MSL2: variants seen among roughly 807,000 people sequenced by gnomAD.
MSL2 encodes the protein E3 ubiquitin-protein ligase MSL2.
MSL2 carries 2 observed loss-of-function variants against 35.8 expected under a neutral mutation model. The observed-to-expected ratio is 0.06, with a 90% confidence interval of 0.02 to 0.18. The LOEUF is 0.18. Among genes scored for constraint, MSL2 ranks in the 10% least tolerant of loss-of-function variants. MSL2 has a pLI of 1.00. For synonymous variants in MSL2, 296 were observed against 255.7 expected (o/e 1.16, Z -1.50); for missense variants, 523 against 706.7 (o/e 0.74, Z 2.95).
intron 1 of MSL2, among the ~76,000 whole-genome samples, chr3:136,157,591 C>T (rs2108063649): frequency 6.6e-6 from 1 of 152,142 alleles, no homozygotes; most frequent in Middle Eastern, 3.4e-3. Flanking sequence ...ATAAATAACA[C>T]CAAAAGTTGG....
In MSL2 at chr3:136,151,960, A is replaced by T; in HGVS notation, c.921T>A (p.Ser307=). The T allele has an allele frequency of 6.2e-7, 1 of 1,614,234 alleles. No individual in the cohort carries two copies. Residue 307 remains serine, a synonymous_variant, in exon 2 of 2, where the codon TCT becomes TCA. Transcript: ENST00000309993. This position sits in a 1 kb window ranked among gnomAD's most constrained non-coding sequence, Gnocchi z 5.2. ...AAACATTATGGCTAAGAGACTGGGA[A>T]GAAAGCTGCAGAAAAGGTCCATTGG... is the stretch of plus-strand genomic sequence containing the variant. ...TVSNGPFLQL[S]SQSLSHNVFM...
intron 1 of MSL2, among the ~76,000 whole-genome samples, chr3:136,191,412 G>A (rs571861088): frequency 1.3e-5 from 2 of 150,194 alleles, no homozygotes; most frequent in Admixed American, 6.7e-5. Flanking sequence ...AGGTTGCAGT[G>A]AGCCGAGATT....
chr3:136,171,942 G>A (rs941277232), intron 1 of MSL2, among the ~76,000 whole-genome samples: 1 of 151,994 alleles, frequency 6.6e-6, no homozygotes, highest in Non-Finnish European at 1.5e-5. Flanking sequence ...AGTCGCTTAG[G>A]ATGAAGTGCA....
In MSL2 at chr3:136,195,666, C is replaced by CGCG; in HGVS notation, c.-556_-554dup. The stretch of plus-strand genomic sequence containing the variant: ...GCTTCCCGGATCTAGTGCAAGACGC[C>CGCG]GCGGCGGCGACGAAGGTTGATGTTG... On this transcript the variant is annotated 5_prime_UTR_variant, in exon 1 of 2. Transcript: ENST00000309993. The CGCG allele has an allele frequency of 1.0e-6, 1 of 979,886 alleles. No individual in the cohort carries two copies. Among genetic ancestry groups the CGCG allele is most frequent in the Non-Finnish European group, 1.2e-6 (1 of 824,798 alleles). The allele number at this position is 979,886 out of a possible 1,614,324, so 60.7% of individuals were successfully genotyped here. A position where few individuals can be genotyped will look rare whatever the true frequency, so the allele number is the denominator to read the frequency against.
chr3:136,172,923 G>C (rs749146586), intron 1 of MSL2, among the ~76,000 whole-genome samples: 18 of 152,134 alleles, frequency 1.2e-4, no homozygotes, highest in Non-Finnish European at 2.4e-4. Context: ...CAGTACTTTG[G>C]GAGGCCAAGG....
At position 136,195,875 on chromosome 3, in the gene MSL2, G is replaced by GCCCC; in HGVS notation, c.-763_-762insGGGG. 1.0e-6 allele frequency: 1 copy of GCCCC among 955,152 alleles called. No homozygotes were observed. Among genetic ancestry groups the GCCCC allele is most frequent in the Non-Finnish European group, 1.2e-6 (1 of 803,366 alleles). 59.2% of individuals were successfully genotyped at this position (955,152 alleles called of 1,614,324 possible). A position where few individuals can be genotyped will look rare whatever the true frequency, so the allele number is the denominator to read the frequency against. On this transcript the variant is annotated 5_prime_UTR_variant, in exon 1 of 2. Coordinates refer to ENST00000309993, the MANE Select transcript of MSL2 (RefSeq NM_018133.4). The stretch of plus-strand genomic sequence containing the variant: ...GGCCGCCGCCGGCGGGCGGGAGGGG[G>GCCCC]CGGGGGGCAAGCCCGGCCGGGCCGC...
chr3:136,178,547 T>C (rs1940247460), intron 1 of MSL2, among the ~76,000 whole-genome samples: 1 of 151,700 alleles, frequency 6.6e-6, no homozygotes, highest in African/African-American at 2.4e-5. Flanking sequence ...TTTTTTTTTT[T>C]TTTGAGACAG....
chr3:136,189,108 CAAAAAAAA>C (rs372715974), intron 1 of MSL2, among the ~76,000 whole-genome samples: 4 of 38,608 alleles, frequency 1.0e-4, no homozygotes, highest in African/African-American at 1.0e-4. Flanking sequence ...CCTGTCTCTA[CAAAAAAAA>C]AAAAAAAAAA....
intron 1 of MSL2, among the ~76,000 whole-genome samples, chr3:136,174,431 T>A (rs1247971343): frequency 6.6e-6 from 1 of 152,254 alleles, no homozygotes; most frequent in African/African-American, 2.4e-5. Flanking sequence ...GAGACAATTT[T>A]AGCTTCTTGC....
At chr3:136,192,025 C>T (rs1940703859) in intron 1 of MSL2, among the ~76,000 whole-genome samples, 2 of 151,988 alleles carry the variant, frequency 1.3e-5, no homozygotes, top group South Asian at 2.1e-4. Context: ...AGAAGAAATA[C>T]AAAACTGTAA....
At chr3:136,180,622 C>T (rs1381308202) in intron 1 of MSL2, among the ~76,000 whole-genome samples, 1 of 151,082 alleles carries the variant, frequency 6.6e-6, no homozygotes, top group Non-Finnish European at 1.5e-5. Flanking sequence ...ATTGCTGGAA[C>T]CCGGGAGGCG....
chr3:136,182,303 T>C (rs899695023), intron 1 of MSL2, among the ~76,000 whole-genome samples: 1 of 152,230 alleles, frequency 6.6e-6, no homozygotes, highest in Non-Finnish European at 1.5e-5. Context: ...TTGTATAAAA[T>C]GTAGGTTTAG....
In MSL2 at chr3:136,195,166, A is replaced by G; in HGVS notation, c.-53T>C. 3 of 1,567,346 alleles carry G rather than the reference A, an allele frequency of 1.9e-6. No individual in the cohort carries two copies. The Admixed American group carries it at 6.2e-5, about 32-fold the overall frequency. ...CGGTTGAAAAGAAATTCCGGATCCA[A>G]CTTAGTAAGCAGCCAGGGAACGATG... On this transcript the variant is annotated 5_prime_UTR_variant, in exon 1 of 2. Transcript: ENST00000309993.
intron 1 of MSL2, among the ~76,000 whole-genome samples, chr3:136,184,037 T>C (rs1025129514): frequency 1.3e-5 from 2 of 152,212 alleles, no homozygotes; most frequent in African/African-American, 2.4e-5. Flanking sequence ...GGCTCATGCC[T>C]GTAATCGCAG....
intron 1 of MSL2, among the ~76,000 whole-genome samples, chr3:136,167,603 AG>A (rs1281493348): frequency 1.3e-5 from 2 of 152,204 alleles, no homozygotes; most frequent in Non-Finnish European, 2.9e-5. Context: ...ATGAGGATGA[AG>A]GAAAATTAAT....
At position 136,151,050 on chromosome 3, in the gene MSL2, T is replaced by C. The variant is rs1373902932; in HGVS notation, c.*97A>G. 1.1e-5 allele frequency: 15 copies of C among 1,305,176 alleles called. No individual in the cohort carries two copies. Among genetic ancestry groups the C allele is most frequent in the Non-Finnish European group, 1.6e-5 (15 of 931,012 alleles). The allele number at this position is 1,305,176 out of a possible 1,614,324, so 80.8% of individuals were successfully genotyped here. On this transcript the variant is annotated 3_prime_UTR_variant, in exon 2 of 2. Transcript: ENST00000309993. The surrounding 1 kb of genome is among the most constrained non-coding windows in gnomAD (Gnocchi z 5.2). The stretch of plus-strand genomic sequence containing the variant: ...GAAAACACTTGATACAAGTGATCTA[T>C]ATGCAGGAGCTCCGGCAAGTTAAAC...
At chr3:136,175,915 T>A (rs1329925415) in intron 1 of MSL2, among the ~76,000 whole-genome samples, 1 of 151,376 alleles carries the variant, frequency 6.6e-6, no homozygotes, top group Non-Finnish European at 1.5e-5. Flanking sequence ...AAGCCTGCCA[T>A]CACTTAGCAA....
chr3:136,192,226 G>A (rs2108099470), intron 1 of MSL2, among the ~76,000 whole-genome samples: 1 of 152,290 alleles, frequency 6.6e-6, no homozygotes, highest in Middle Eastern at 3.4e-3. Context: ...AGTCTGGAGT[G>A]CAGTGGTGCG....
At chr3:136,166,232 AC>A (rs1415852190) in intron 1 of MSL2, among the ~76,000 whole-genome samples, 1 of 151,960 alleles carries the variant, frequency 6.6e-6, no homozygotes, top group Admixed American at 6.6e-5. Flanking sequence ...TACTAAAAAT[AC>A]AAAAATTAGC....
Sources: gnomAD v4.1 joint callset for allele counts (sites outside exome capture counted in the v4.1 genomes callset) on GRCh38, gnomAD v4.1.1 for gene constraint, Gnocchi (gnomAD v3.1) non-coding constraint, MANE v1.5 for transcripts, NCBI Gene and HGNC (gene_info 2026-07-23, HGNC 2026-07-21) for gene names.